The following KCNK1 variants were observed in gnomAD, a reference collection of about 807,000 sequenced individuals.
The protein encoded by KCNK1 is potassium two pore domain channel subfamily K member 1.
A neutral mutation model predicts 22.2 loss-of-function variants in KCNK1; 10 were observed. The ratio of observed to expected loss-of-function variants is 0.45; its 90% CI spans 0.28 to 0.76. The LOEUF (loss-of-function observed/expected upper bound fraction) is 0.76. Ranked by LOEUF, KCNK1 falls within the 30% of genes least tolerant of loss-of-function variation. KCNK1 has a pLI of 0.14. For synonymous variants in KCNK1, 200 were observed against 186.4 expected (o/e 1.07, Z -0.60); for missense variants, 378 against 421.0 (o/e 0.90, Z 0.89).
chr1:233,628,947 T>C (rs769676610), intron 1 of KCNK1, among the ~76,000 whole-genome samples: 1 of 152,144 alleles, frequency 6.6e-6, no homozygotes, highest in Non-Finnish European at 1.5e-5. Flanking sequence ...CTGGGTTCTC[T>C]TCAGACAAGA....
rs189844481 is a variant in KCNK1 at position 233,663,089 on chromosome 1, G to A, written c.356-3506G>A. Among the ~76,000 whole-genome samples the A allele has an allele frequency of 5.3e-5, 8 of 152,250 alleles. No homozygotes were observed. The East Asian group carries it at 5.8e-4, about 11-fold the overall frequency. On this transcript the variant is annotated intron_variant, in intron 1 of 2. Coordinates refer to ENST00000366621, the MANE Select transcript of KCNK1 (RefSeq NM_002245.4). ...AAGTTTCCGTCAGATGCATTAAGCC[G>A]TCTACTGCAAACGAAGCGCTGTGTT...
At chr1:233,641,406 T>TA (rs1320927800) in intron 1 of KCNK1, among the ~76,000 whole-genome samples, 3 of 152,238 alleles carry the variant, frequency 2.0e-5, no homozygotes, top group African/African-American at 7.2e-5. Context: ...GCAGCTCGTA[T>TA]CTTAGAGAAA....
chr1:233,626,170 T>C (rs1326364796), intron 1 of KCNK1, among the ~76,000 whole-genome samples: 1 of 151,822 alleles, frequency 6.6e-6, no homozygotes, highest in Non-Finnish European at 1.5e-5. Context: ...TGAGAAGTGG[T>C]CAGATTCTGG....
intron 2 of KCNK1, among the ~76,000 whole-genome samples, chr1:233,670,948 T>G (rs973604616): frequency 1.3e-5 from 2 of 152,106 alleles, no homozygotes; most frequent in Non-Finnish European, 2.9e-5. Context: ...ATATCACACT[T>G]GGGTAAGTGC....
chr1:233,633,730 T>G (rs922427971), intron 1 of KCNK1, among the ~76,000 whole-genome samples: 1 of 152,168 alleles, frequency 6.6e-6, no homozygotes, highest in African/African-American at 2.4e-5. Flanking sequence ...GGATAGTTTT[T>G]GGTTGTTGTT....
At chr1:233,628,579 G>A (rs1387966642) in intron 1 of KCNK1, among the ~76,000 whole-genome samples, 3 of 152,116 alleles carry the variant, frequency 2.0e-5, no homozygotes, top group African/African-American at 7.2e-5. Context: ...GGCCAACATG[G>A]TGAAACCCTC....
intron 1 of KCNK1, among the ~76,000 whole-genome samples, chr1:233,623,398 A>G (rs1247010321): frequency 1.3e-5 from 2 of 152,198 alleles, no homozygotes; most frequent in East Asian, 3.9e-4. Flanking sequence ...GTTAACAGTA[A>G]TATATAGTTT....
intron 1 of KCNK1, among the ~76,000 whole-genome samples, chr1:233,635,482 G>A (rs1407021060): frequency 6.6e-6 from 1 of 152,146 alleles, no homozygotes; most frequent in East Asian, 1.9e-4. Context: ...AGTAAAAATG[G>A]AAGCTTTAAG....
At chr1:233,621,156 G>A (rs1657579494) in intron 1 of KCNK1, among the ~76,000 whole-genome samples, 1 of 152,164 alleles carries the variant, frequency 6.6e-6, no homozygotes, top group Admixed American at 6.5e-5. Context: ...TCTACCCTCA[G>A]TATTTCAAAA....
chr1:233,619,299 G>A (rs765335575), intron 1 of KCNK1, among the ~76,000 whole-genome samples: 1 of 152,064 alleles, frequency 6.6e-6, no homozygotes. Context: ...TGGGATTACA[G>A]GCATGAGCCA....
intron 1 of KCNK1, among the ~76,000 whole-genome samples, chr1:233,615,937 GA>G (rs1461081236): frequency 6.6e-6 from 1 of 152,164 alleles, no homozygotes; most frequent in African/African-American, 2.4e-5. Context: ...CTTGTATTGT[GA>G]GATCTAAAAA....
At chr1:233,644,593 T>G (rs549464172) in intron 1 of KCNK1, among the ~76,000 whole-genome samples, 24 of 152,150 alleles carry the variant, frequency 1.6e-4, no homozygotes, top group Non-Finnish European at 2.9e-4. Flanking sequence ...AAGCCTTCTC[T>G]TGGGACAGTG....
In KCNK1 at chr1:233,672,290, G is replaced by C. The variant is rs1386703266; in HGVS notation, c.*760G>C. On this transcript the variant is annotated 3_prime_UTR_variant, in exon 3 of 3. Transcript: ENST00000366621. Reference sequence around the variant, plus strand: ...ACCCTCTTGCGATAGAATGGTGTCAGATGTCTAACATGTTTATAAACATTT... The same window carrying C: ...ACCCTCTTGCGATAGAATGGTGTCACATGTCTAACATGTTTATAAACATTT... 1 of 152,414 alleles carries C rather than the reference G, an allele frequency of 6.6e-6. No homozygotes were observed. Among genetic ancestry groups the C allele is most frequent in the Non-Finnish European group, 1.5e-5 (1 of 67,998 alleles). The allele number at this position is 152,414 out of a possible 1,614,324, so 9.4% of individuals were successfully genotyped here. A position where few individuals can be genotyped will look rare whatever the true frequency, so the allele number is the denominator to read the frequency against.
At position 233,628,760 on chromosome 1, in the gene KCNK1, A is replaced by AATAATAATAATAATAAT. The variant is rs1657738099; in HGVS notation, c.355+14235_355+14236insTAATAATAATAATAATA. Among the ~76,000 whole-genome samples, 435 of 148,790 alleles carry AATAATAATAATAATAAT rather than the reference A, an allele frequency of 2.9e-3. 1 individual carries two copies. The highest frequency in any genetic ancestry group is 0.01 in the African/African-American group (408 of 38,878). ...GGGCAACAGAGCAAGACTCTGTCTC[A>AATAATAATAATAATAAT]AATAATAATAATAATAATAATAAAT... is the stretch of plus-strand genomic sequence containing the variant. On this transcript the variant is annotated intron_variant, in intron 1 of 2. Transcript: ENST00000366621.
chr1:233,620,077 A>G (rs1220206466), intron 1 of KCNK1, among the ~76,000 whole-genome samples: 1 of 152,226 alleles, frequency 6.6e-6, no homozygotes, highest in East Asian at 1.9e-4. Flanking sequence ...AAGAAAAAGA[A>G]AAAGAATGTT....
At position 233,646,105 on chromosome 1, in the gene KCNK1, T is replaced by G. The variant is rs115466732; in HGVS notation, c.356-20490T>G. Among the ~76,000 whole-genome samples, 636 of 152,216 alleles carry G rather than the reference T, an allele frequency of 4.2e-3. 7 individuals are homozygous for G. Among genetic ancestry groups the G allele is most frequent in the African/African-American group, 0.014 (600 of 41,540 alleles). On this transcript the variant is annotated intron_variant, in intron 1 of 2. Coordinates refer to ENST00000366621, the MANE Select transcript of KCNK1 (RefSeq NM_002245.4). ...GTGAAGACTTCTTTCATGGACGTATTGATTTTGAGATGCCTACGTCACATT... is the reference window on the plus strand; with the variant it reads ...GTGAAGACTTCTTTCATGGACGTATGGATTTTGAGATGCCTACGTCACATT...
chr1:233,621,730 G>T (rs114876912), intron 1 of KCNK1, among the ~76,000 whole-genome samples: 1,655 of 151,516 alleles, frequency 0.011, 34 homozygotes, highest in African/African-American at 0.038. Context: ...AAGGTTTGGG[G>T]TTTTTTTTTA....
intron 1 of KCNK1, chr1:233,636,718 G>C (rs906574811): frequency 3.7e-4 from 55 of 150,392 alleles, no homozygotes; most frequent in African/African-American, 1.3e-3. Flanking sequence ...TCACAAGACT[G>C]GGGGGTGGTT....
intron 1 of KCNK1, among the ~76,000 whole-genome samples, chr1:233,646,687 G>A (rs1006895604): frequency 5.3e-5 from 8 of 152,114 alleles, no homozygotes; most frequent in Admixed American, 3.3e-4. Context: ...GAACCAACAC[G>A]GGAAACAGAC....
Sources: allele counts gnomAD v4.1 joint callset (sites outside exome capture counted in the v4.1 genomes callset), GRCh38; gene constraint gnomAD v4.1.1; transcripts MANE v1.5; gene names NCBI Gene and HGNC (gene_info 2026-07-23, HGNC 2026-07-21).